Variants in DGKI observed in about 807,000 individuals in gnomAD.
DGKI encodes the protein DAG kinase iota.
Under a neutral mutation model 147.5 loss-of-function variants are expected in DGKI, and 55 were observed. The ratio of observed to expected loss-of-function variants is 0.37; its 90% confidence interval spans 0.30 to 0.47. The LOEUF (loss-of-function observed/expected upper bound fraction) is 0.47. Among genes scored for constraint, DGKI ranks in the 20% least tolerant of loss-of-function variants. DGKI has a pLI of 1.00. For missense variants in DGKI, 1,007 were observed against 1,323.8 expected (o/e 0.76, Z 3.71); for synonymous variants, 469 against 477.1 (o/e 0.98, Z 0.22).
Position 137,818,174 on chromosome 7 carries a change from C to T in DGKI, c.401+28288G>A, listed in dbSNP as rs148777249. On this transcript the variant is annotated intron_variant, in intron 1 of 32. Transcript: ENST00000614521. ...GAAATACACCCAACCCGAAAGCAAA[C>T]AAGCAACTCAGAGATTTAGAATTGC... Among the ~76,000 whole-genome samples, 1,467 of 152,300 alleles carry T rather than the reference C, an allele frequency of 9.6e-3. 22 individuals carry two copies. Among genetic ancestry groups the T allele is most frequent in the African/African-American group, 0.033 (1,381 of 41,548 alleles).
intron 1 of DGKI, among the ~76,000 whole-genome samples, chr7:137,759,185 C>T (rs958088691): frequency 2.0e-5 from 3 of 152,088 alleles, no homozygotes; most frequent in Admixed American, 6.5e-5. Context: ...CACTGTTTAG[C>T]GCCTACTTAT....
intron 1 of DGKI, among the ~76,000 whole-genome samples, chr7:137,713,307 G>A (rs190807641): frequency 5.5e-4 from 84 of 152,278 alleles, no homozygotes; most frequent in Non-Finnish European, 8.4e-4. Context: ...GGGTGGAGTA[G>A]GGTGGGATGT....
intron 27 of DGKI, among the ~76,000 whole-genome samples, chr7:137,446,756 AG>A (rs1261522767): frequency 6.6e-6 from 1 of 152,140 alleles, no homozygotes; most frequent in Non-Finnish European, 1.5e-5. Flanking sequence ...AGAGAGAGGG[AG>A]GGGAAAGAAG....
intron 1 of DGKI, among the ~76,000 whole-genome samples, chr7:137,778,023 C>T (rs1365027603): frequency 2.6e-5 from 4 of 152,160 alleles, no homozygotes; most frequent in African/African-American, 9.7e-5. Flanking sequence ...TGGACCCTAC[C>T]AAGGCGTACA....
intron 1 of DGKI, among the ~76,000 whole-genome samples, chr7:137,699,167 C>A (rs982859104): frequency 6.6e-6 from 1 of 152,136 alleles, no homozygotes; most frequent in Non-Finnish European, 1.5e-5. Flanking sequence ...GAGGAAGAGG[C>A]AAATGTGCTT....
chr7:137,618,427 A>G (rs1458407747), intron 8 of DGKI, among the ~76,000 whole-genome samples: 1 of 148,964 alleles, frequency 6.7e-6, no homozygotes, highest in Admixed American at 6.7e-5. Context: ...AATCTCACCC[A>G]TTTTTACAAA....
intron 1 of DGKI, among the ~76,000 whole-genome samples, chr7:137,770,184 G>A (rs190849894): frequency 1.4e-3 from 218 of 152,314 alleles, no homozygotes; most frequent in Non-Finnish European, 2.4e-3. Flanking sequence ...GATGAAGCTG[G>A]AAGCCATCAT....
At chr7:137,666,085 T>G (rs1822630618) in intron 3 of DGKI, among the ~76,000 whole-genome samples, 1 of 152,224 alleles carries the variant, frequency 6.6e-6, no homozygotes, top group South Asian at 2.1e-4. Flanking sequence ...CAGTACAGGA[T>G]TCTTTTTAAG....
intron 1 of DGKI, among the ~76,000 whole-genome samples, chr7:137,719,830 T>C (rs1019456088): frequency 1.3e-5 from 2 of 152,116 alleles, no homozygotes; most frequent in Non-Finnish European, 2.9e-5. Flanking sequence ...ACTGCAACTA[T>C]AAACTAATTC....
intron 6 of DGKI, among the ~76,000 whole-genome samples, chr7:137,626,823 C>G (rs1820960713): frequency 6.6e-6 from 1 of 152,088 alleles, no homozygotes; most frequent in Admixed American, 6.6e-5. Context: ...TCTGTTTCTC[C>G]CTTTATTCCT....
At chr7:137,742,758 T>G (rs756330237) in intron 1 of DGKI, among the ~76,000 whole-genome samples, 4 of 152,200 alleles carry the variant, frequency 2.6e-5, no homozygotes, top group Non-Finnish European at 5.9e-5. Context: ...AAAATTTAAT[T>G]GTGTGAGTGG....
At chr7:137,416,976 CTGAT>C (rs1416156730) in intron 28 of DGKI, among the ~76,000 whole-genome samples, 1 of 152,216 alleles carries the variant, frequency 6.6e-6, no homozygotes, top group Non-Finnish European at 1.5e-5. Flanking sequence ...CTTCTCTCTC[CTGAT>C]TAATGTCCTT....
At chr7:137,793,948 A>C (rs1440692606) in intron 1 of DGKI, among the ~76,000 whole-genome samples, 1 of 152,226 alleles carries the variant, frequency 6.6e-6, no homozygotes, top group Non-Finnish European at 1.5e-5. Context: ...AGTCACCATC[A>C]TCTAGCCATA....
At chr7:137,491,038 A>T (rs984874911) in intron 21 of DGKI, among the ~76,000 whole-genome samples, 1 of 152,216 alleles carries the variant, frequency 6.6e-6, no homozygotes, top group African/African-American at 2.4e-5. Context: ...ATAAAATAAC[A>T]GATGAAGTAG....
At chr7:137,768,745 C>G (rs887864413) in intron 1 of DGKI, among the ~76,000 whole-genome samples, 3 of 152,188 alleles carry the variant, frequency 2.0e-5, no homozygotes, top group African/African-American at 7.2e-5. Flanking sequence ...CCAGAGCCAA[C>G]ATTCTTTGGG....
Position 137,846,609 on chromosome 7 carries a change from C to G in DGKI, c.254G>C (p.Gly85Ala). Residue 85 changes from glycine to alanine, a missense_variant, in exon 1 of 33, where the codon GGC (glycine) becomes GCC (alanine). By Grantham distance (60) the Gly-to-Ala change is moderately conservative (BLOSUM62 0). Transcript: ENST00000614521. The surrounding 1 kb of genome is among the most constrained non-coding windows in gnomAD (Gnocchi z 4.0). Reference protein sequence around the residue: ...GAGSCCLGAEGGADPRGAGSA... With the variant: ...GAGSCCLGAEAGADPRGAGSA... ...CCCTGCGCCCCGCGGGTCCGCGCCG[C>G]CCTCGGCGCCCAGGCAGCAGCTCCC... 8 of 1,098,572 alleles carry G rather than the reference C, an allele frequency of 7.3e-6. No individual in the cohort carries two copies. The highest frequency in any genetic ancestry group is 8.8e-6 in the Non-Finnish European group (8 of 908,222). 68.1% of individuals were successfully genotyped at this position (1,098,572 alleles called of 1,614,324 possible). A position where few individuals can be genotyped will look rare whatever the true frequency, so the allele number is the denominator to read the frequency against.
intron 8 of DGKI, among the ~76,000 whole-genome samples, chr7:137,613,397 T>A (rs980235764): frequency 6.6e-6 from 1 of 152,066 alleles, no homozygotes; most frequent in African/African-American, 2.4e-5. Context: ...TTCCAAAAGT[T>A]ACAGACAGGG....
intron 3 of DGKI, 88 bp from the exon 4 acceptor site, chr7:137,656,628 A>C: frequency 9.1e-7 from 1 of 1,102,986 alleles, no homozygotes; most frequent in South Asian, 1.4e-5. Context: ...ATATATAATA[A>C]ATACATAAAT....
intron 20 of DGKI, among the ~76,000 whole-genome samples, chr7:137,539,927 A>G (rs1048023988): frequency 3.9e-5 from 6 of 152,226 alleles, no homozygotes; most frequent in Admixed American, 3.3e-4. Context: ...CAGACCTCAC[A>G]GACATGAAAG....
Sources: allele counts gnomAD v4.1 joint callset (sites outside exome capture counted in the v4.1 genomes callset), GRCh38; gene constraint gnomAD v4.1.1; non-coding constraint Gnocchi (gnomAD v3.1); transcripts MANE v1.5; gene names NCBI Gene and HGNC (gene_info 2026-07-23, HGNC 2026-07-21).